Variants in GRM8 observed in about 807,000 individuals in gnomAD.
GRM8 encodes metabotropic glutamate receptor 8.
GRM8 carries 47 observed loss-of-function variants against 87.2 expected under a neutral mutation model. The ratio of observed to expected loss-of-function variants is 0.54; its 90% CI spans 0.43 to 0.69. GRM8 has a LOEUF of 0.69. Among genes scored for constraint, GRM8 ranks in the 30% least tolerant of loss-of-function variants. GRM8 has a pLI of 0.00. For missense variants in GRM8, 1,019 were observed against 1,139.2 expected (o/e 0.89, Z 1.52); for synonymous variants, 396 against 404.5 (o/e 0.98, Z 0.25).
chr7:126,660,148 T>C (rs996702028), intron 7 of GRM8, among the ~76,000 whole-genome samples: 1 of 152,226 alleles, frequency 6.6e-6, no homozygotes. Context: ...TAGTTCCATT[T>C]AGTTCTTTTA....
chr7:127,189,862 A>G (rs1045339685), intron 2 of GRM8, among the ~76,000 whole-genome samples: 1 of 152,208 alleles, frequency 6.6e-6, no homozygotes, highest in Non-Finnish European at 1.5e-5. Flanking sequence ...TGCTGGAAAA[A>G]TACAAGTCAA....
chr7:127,238,320 G>A (rs936429988), intron 2 of GRM8, among the ~76,000 whole-genome samples: 17 of 151,966 alleles, frequency 1.1e-4, no homozygotes, highest in Non-Finnish European at 2.1e-4. Flanking sequence ...GTGTGTGTGT[G>A]TGTGTGTGTG....
At chr7:126,690,905 G>C (rs76809186) in intron 7 of GRM8, among the ~76,000 whole-genome samples, 1,617 of 152,236 alleles carry the variant, frequency 0.011, 25 homozygotes, top group African/African-American at 0.037. Flanking sequence ...TTGAATCCAG[G>C]GTTTTTATGG....
At chr7:126,632,022 T>C (rs878868977) in intron 7 of GRM8, among the ~76,000 whole-genome samples, 2 of 151,878 alleles carry the variant, frequency 1.3e-5, no homozygotes, top group African/African-American at 4.8e-5. Flanking sequence ...AAAGGAAAAA[T>C]TGACAAATTG....
intron 9 of GRM8, among the ~76,000 whole-genome samples, chr7:126,472,022 T>C (rs1323330433): frequency 6.6e-6 from 1 of 152,146 alleles, no homozygotes; most frequent in Non-Finnish European, 1.5e-5. Context: ...GCTTGTGATT[T>C]TTGCACATTG....
At chr7:127,162,887 C>T (rs17862308) in intron 2 of GRM8, among the ~76,000 whole-genome samples, 4 of 152,050 alleles carry the variant, frequency 2.6e-5, no homozygotes, top group Non-Finnish European at 4.4e-5. Flanking sequence ...AATAAGAATG[C>T]CTTTAGAAGG....
chr7:126,542,196 A>G (rs1156503144), intron 8 of GRM8, among the ~76,000 whole-genome samples: 1 of 152,210 alleles, frequency 6.6e-6, no homozygotes, highest in African/African-American at 2.4e-5. Flanking sequence ...AGTCTGTGGT[A>G]CTTTGTTATG....
At chr7:126,702,161 C>A (rs567888477) in intron 7 of GRM8, among the ~76,000 whole-genome samples, 1 of 152,296 alleles carries the variant, frequency 6.6e-6, no homozygotes, top group Non-Finnish European at 1.5e-5. Flanking sequence ...AAGCCCCTTG[C>A]CTTGTGGAGC....
At chr7:126,577,847 T>C (rs1223311887) in intron 8 of GRM8, among the ~76,000 whole-genome samples, 2 of 152,230 alleles carry the variant, frequency 1.3e-5, no homozygotes, top group Middle Eastern at 3.4e-3. Context: ...TCTTTTAATG[T>C]GTATCTTTCT....
chr7:127,203,490 C>A (rs1795727214), intron 2 of GRM8, among the ~76,000 whole-genome samples: 1 of 152,118 alleles, frequency 6.6e-6, no homozygotes. Flanking sequence ...GGTGAATCAC[C>A]TGAGGTGAAG....
intron 9 of GRM8, among the ~76,000 whole-genome samples, chr7:126,515,071 G>C (rs1427303216): frequency 1.3e-5 from 2 of 151,876 alleles, no homozygotes; most frequent in Non-Finnish European, 2.9e-5. Flanking sequence ...TGTGTGTTGG[G>C]GGGTATGTAA....
At chr7:127,225,049 T>C (rs1057439765) in intron 2 of GRM8, among the ~76,000 whole-genome samples, 16 of 152,158 alleles carry the variant, frequency 1.1e-4, no homozygotes, top group African/African-American at 3.6e-4. Flanking sequence ...TAAATCAAAA[T>C]TGGATTCTAT....
chr7:126,633,304 G>C (rs1801526148), intron 7 of GRM8, among the ~76,000 whole-genome samples: 1 of 152,102 alleles, frequency 6.6e-6, no homozygotes, highest in Non-Finnish European at 1.5e-5. Context: ...CAGTTCACCA[G>C]TGAGTCCAGT....
At chr7:126,873,873 A>C (rs1433956792) in intron 6 of GRM8, among the ~76,000 whole-genome samples, 1 of 152,140 alleles carries the variant, frequency 6.6e-6, no homozygotes, top group Non-Finnish European at 1.5e-5. Context: ...TTATGACAGA[A>C]TTATGTGGAC....
intron 2 of GRM8, among the ~76,000 whole-genome samples, chr7:127,125,019 C>A (rs1365154501): frequency 6.6e-6 from 1 of 152,050 alleles, no homozygotes; most frequent in African/African-American, 2.4e-5. Flanking sequence ...TGATAATGGA[C>A]ATCTGTTGAA....
At chr7:127,133,723 AAAAAAATTAATAAAT>A (rs1827812613) in intron 2 of GRM8, among the ~76,000 whole-genome samples, 2 of 151,450 alleles carry the variant, frequency 1.3e-5, no homozygotes, top group African/African-American at 4.9e-5. Flanking sequence ...AAAAAAAAAA[AAAAAAATTAATAAAT>A]ACAAACAAGA....
At chr7:126,580,149 G>A (rs1795476360) in intron 8 of GRM8, among the ~76,000 whole-genome samples, 1 of 152,090 alleles carries the variant, frequency 6.6e-6, no homozygotes, top group Non-Finnish European at 1.5e-5. Flanking sequence ...TATAGACATT[G>A]ATACAGTTAA....
At chr7:126,454,749 A>T (rs1803036129) in intron 9 of GRM8, among the ~76,000 whole-genome samples, 1 of 151,698 alleles carries the variant, frequency 6.6e-6, no homozygotes, top group South Asian at 2.1e-4. Context: ...GACACAAGAC[A>T]CACAGAAGGA....
intron 10 of GRM8, among the ~76,000 whole-genome samples, chr7:126,444,000 T>G (rs1213549720): frequency 6.6e-6 from 1 of 151,950 alleles, no homozygotes; most frequent in South Asian, 2.1e-4. Context: ...TCTGAATGAC[T>G]GGTATTTATA....
Sources: gnomAD v4.1 joint callset for allele counts (sites outside exome capture counted in the v4.1 genomes callset) on GRCh38, gnomAD v4.1.1 for gene constraint, MANE v1.5 for transcripts, NCBI Gene and HGNC (gene_info 2026-07-23, HGNC 2026-07-21) for gene names.